MEGF6: variants seen among roughly 807,000 people sequenced by gnomAD.
The protein encoded by MEGF6 is multiple EGF like domains 6.
A neutral mutation model predicts 207.1 loss-of-function variants in MEGF6; 184 were observed. The observed-to-expected ratio is 0.89, with a 90% CI of 0.79 to 1.00. The LOEUF (loss-of-function observed/expected upper bound fraction) is 1.00. Ranked by LOEUF, MEGF6 falls within the 50% of genes least tolerant of loss-of-function variation. The probability of loss-of-function intolerance (pLI) is 0.00; values close to 1 mark genes in which losing one functional copy is unlikely to be tolerated. For missense variants in MEGF6, 2,282 were observed against 2,202.9 expected, an observed-to-expected ratio of 1.04 and a Z score of -0.72; for synonymous variants, 1,038 against 910.0, an observed-to-expected ratio of 1.14 and a Z score of -2.53.
At chr1:3,505,666 CT>C (rs1641088218) in intron 15 of MEGF6, 110 bp from the exon 16 acceptor site, 1 of 1,368,030 alleles carries the variant, frequency 7.3e-7, no homozygotes, top group Admixed American at 2.7e-5. Flanking sequence ...ATGTAGGGAG[CT>C]GTCCTCCTCC....
intron 1 of MEGF6, among the ~76,000 whole-genome samples, chr1:3,604,572 C>T (rs1323403515): frequency 2.0e-5 from 3 of 152,192 alleles, no homozygotes; most frequent in African/African-American, 4.8e-5. Context: ...CCAAAATCCC[C>T]GACTATTTCT....
At chr1:3,558,867 AT>A (rs911864775) in intron 4 of MEGF6, among the ~76,000 whole-genome samples, 23 of 151,546 alleles carry the variant, frequency 1.5e-4, no homozygotes, top group Non-Finnish European at 2.5e-4. Context: ...CATCTCTACA[AT>A]TTTTTTTTAA....
Position 3,501,914 on chromosome 1 carries a change from C to G in MEGF6, c.2196G>C (p.Pro732=). The G allele has an allele frequency of 1.2e-6, 2 of 1,606,632 alleles. No individual in the cohort carries two copies. Among genetic ancestry groups the G allele is most frequent in the Non-Finnish European group, 1.7e-6 (2 of 1,177,486 alleles). Residue 732 remains proline (P), a synonymous_variant, in exon 18 of 37, where the codon CCG becomes CCC. Coordinates refer to ENST00000356575, the MANE Select transcript of MEGF6 (RefSeq NM_001409.4). ...AGCAGTTCACGCCAAACGTCCCCAC[C>G]GGGCACTCTGCAGGAGAAAGCACGA... The part of the protein sequence containing the change: ...FQGEDCGQEC[P]VGTFGVNCSS...
At chr1:3,589,714 T>A (rs779463742) in intron 3 of MEGF6, among the ~76,000 whole-genome samples, 4 of 152,240 alleles carry the variant, frequency 2.6e-5, no homozygotes, top group Non-Finnish European at 5.9e-5. Flanking sequence ...GCACCGTGGC[T>A]GGGCCTCCAT....
At chr1:3,620,945 C>T in the MEGF6 span, among the ~76,000 whole-genome samples, 3,337 of 152,240 alleles carry the variant, frequency 0.022, 39 homozygotes, top group Non-Finnish European at 0.031. Context: ...GCAGCTGAGG[C>T]GGAGAGAGAG....
chr1:3,500,478 G>C (rs1053815041), intron 21 of MEGF6, among the ~76,000 whole-genome samples, 155 bp downstream of exon 21: 3 of 152,250 alleles, frequency 2.0e-5, no homozygotes, highest in Non-Finnish European at 4.4e-5. Flanking sequence ...CGTTTTGGTG[G>C]GTGTGTGCGC....
chr1:3,614,905 T>A (rs1280108518), upstream of MEGF6, among the ~76,000 whole-genome samples: 1 of 152,252 alleles, frequency 6.6e-6, no homozygotes, highest in Admixed American at 6.5e-5. Context: ...ACTCTGTCTC[T>A]GGGTATTTCC....
At chr1:3,511,795 C>A (rs991576545) in intron 8 of MEGF6, 108 bp from the exon 9 acceptor site, 14 of 1,506,462 alleles carry the variant, frequency 9.3e-6, no homozygotes, top group Non-Finnish European at 1.3e-5. Context: ...CCTGGGGACA[C>A]CCGTGGGAAG....
chr1:3,578,852 G>T (rs2794343), intron 4 of MEGF6, among the ~76,000 whole-genome samples: 8,971 of 45,332 alleles, frequency 0.2, 345 homozygotes, highest in Non-Finnish European at 0.36. Context: ...AGCTCAGAAC[G>T]CTGGGGAGAC....
rs986612794 is a variant in MEGF6 at position 3,490,240 on chromosome 1, G to C, written c.*288C>G. On this transcript the variant is annotated 3_prime_UTR_variant, in exon 37 of 37. Transcript: ENST00000356575. ...TGTCCTCAGTCCAACTCAGAGCCGCGGGGAGAGCGGGACTTCCTCAGCCCA... is the reference window on the plus strand; with the variant it reads ...TGTCCTCAGTCCAACTCAGAGCCGCCGGGAGAGCGGGACTTCCTCAGCCCA... 4 of 494,324 alleles carry C rather than the reference G, an allele frequency of 8.1e-6. No individual in the cohort carries two copies. The highest frequency in any genetic ancestry group is 3.6e-6 in the Non-Finnish European group (1 of 280,876). 30.6% of individuals were successfully genotyped at this position (494,324 alleles called of 1,614,324 possible). A position where few individuals can be genotyped will look rare whatever the true frequency, so the allele number is the denominator to read the frequency against.
rs117159993 is a variant in MEGF6, at chr1:3,565,127, G to A, written c.481+14698C>T. 7.4e-3 allele frequency among the ~76,000 whole-genome samples: 1,126 copies of A among 152,132 alleles called. 44 individuals are homozygous for A. The South Asian group carries it at 0.11, about 15-fold the overall frequency. ...CACGCAGTGGGGTCCGGCGATGGACGCATGAATGAAGCCCCCTAGGTACCC... is the reference window on the plus strand; with the variant it reads ...CACGCAGTGGGGTCCGGCGATGGACACATGAATGAAGCCCCCTAGGTACCC... On this transcript the variant is annotated intron_variant, in intron 4 of 36. Coordinates refer to ENST00000356575, the MANE Select transcript of MEGF6 (RefSeq NM_001409.4). This position sits in a 1 kb window ranked among gnomAD's most constrained non-coding sequence, Gnocchi z 4.8.
In MEGF6 at chr1:3,496,830, C is replaced by A. The variant is rs780352119; in HGVS notation, c.3614-47G>T. ...GCAGGGGCTGGGGCTGGAGGCTTCC[C>A]CAGTGCCCCTGAACACAGCAAGGCA... On this transcript the variant is annotated intron_variant, in intron 28 of 36. Coordinates refer to ENST00000356575, the MANE Select transcript of MEGF6 (RefSeq NM_001409.4). 84 of 1,540,420 alleles carry A rather than the reference C, an allele frequency of 5.5e-5. No homozygotes were observed. In the Admixed American group the frequency reaches 1.6e-3, roughly 30 times the overall value.
chr1:3,541,969 G>C (rs533024975), intron 4 of MEGF6, among the ~76,000 whole-genome samples: 1 of 152,196 alleles, frequency 6.6e-6, no homozygotes, highest in Non-Finnish European at 1.5e-5. Flanking sequence ...CTCCACCCTG[G>C]AAGCCCCCGC....
intron 4 of MEGF6, among the ~76,000 whole-genome samples, chr1:3,576,601 C>G (rs1026882773): frequency 7.9e-5 from 12 of 152,006 alleles, no homozygotes; most frequent in African/African-American, 2.9e-4. Context: ...GGTGGGAGCA[C>G]TATGGGCAGG....
At chr1:3,606,798 T>C (rs1323168230) in intron 1 of MEGF6, among the ~76,000 whole-genome samples, 1 of 152,064 alleles carries the variant, frequency 6.6e-6, no homozygotes, top group African/African-American at 2.4e-5. Flanking sequence ...CCGGGGGGAA[T>C]AGGCCAATGA....
chr1:3,498,887 T>C, intron 24 of MEGF6, 61 bp from the exon 25 acceptor site: 2 of 1,531,582 alleles, frequency 1.3e-6, no homozygotes, highest in East Asian at 2.5e-5. Flanking sequence ...ACAGGGTCTG[T>C]CTGGCTTTCC....
chr1:3,493,048 C>A (rs114789946), intron 34 of MEGF6: 23 of 476,070 alleles, frequency 4.8e-5, no homozygotes, highest in Non-Finnish European at 8.0e-5. Context: ...TGCCCCGCCC[C>A]AGGAGGGCAA....
intron 4 of MEGF6, chr1:3,531,148 C>T (rs1041014826): frequency 6.5e-7 from 1 of 1,528,734 alleles, no homozygotes; most frequent in Non-Finnish European, 8.8e-7. Flanking sequence ...GCAGCCCCTC[C>T]AGAGGTAGCG....
At chr1:3,524,953 CCT>C (rs1641905316) in intron 4 of MEGF6, among the ~76,000 whole-genome samples, 1 of 152,186 alleles carries the variant, frequency 6.6e-6, no homozygotes, top group Admixed American at 6.5e-5. Context: ...CCAGGAAGGT[CCT>C]CTCTATGGGT....
Sources: gnomAD v4.1 joint callset for allele counts (sites outside exome capture counted in the v4.1 genomes callset) on GRCh38, gnomAD v4.1.1 for gene constraint, Gnocchi (gnomAD v3.1) non-coding constraint, MANE v1.5 for transcripts, NCBI Gene and HGNC (gene_info 2026-07-23, HGNC 2026-07-21) for gene names.